Variants in ABCA8 observed in about 807,000 individuals in gnomAD.
ABCA8 encodes ATP binding cassette subfamily A member 8, also known as ABC-type organic anion transporter ABCA8.
In ABCA8, 177 loss-of-function variants were observed where a neutral mutation model predicts 192.3. The observed-to-expected ratio is 0.92, with a 90% CI of 0.81 to 1.04. The LOEUF is 1.04. Among genes scored for constraint, ABCA8 ranks in the 50% least tolerant of loss-of-function variants. The pLI is 0.00. For synonymous variants in ABCA8, 642 were observed against 690.2 expected (o/e 0.93, Z 1.09); for missense variants, 1,915 against 1,904.8 (o/e 1.01, Z -0.10).
intron 26 of ABCA8, 35 bp downstream of exon 26, chr17:68,886,978 CAAAT>C (rs776942350): frequency 7.3e-7 from 1 of 1,372,190 alleles, no homozygotes; most frequent in South Asian, 1.3e-5. Flanking sequence ...AATTGTATAT[CAAAT>C]ATATACAGTA....
At position 68,881,874 on chromosome 17, in the gene ABCA8, CAGA is replaced by C. The variant is rs1473959297; in HGVS notation, c.3932_3934del (p.Phe1311del). 5 of 1,613,704 alleles carry C rather than the reference CAGA, an allele frequency of 3.1e-6. No homozygotes were observed. The highest frequency in any genetic ancestry group is 1.7e-5 in the Admixed American group (1 of 59,994). ...TCCCTATGGCCAACCTTTTCTAACA[CAGA>C]AGGAGACATTTCTCGTGGCTATCTT... On this transcript the variant is annotated inframe_deletion, in exon 31 of 40. Coordinates refer to ENST00000586539, the MANE Select transcript of ABCA8 (RefSeq NM_001288985.2).
intron 21 of ABCA8, among the ~76,000 whole-genome samples, chr17:68,899,511 A>T (rs138129146): frequency 5.6e-4 from 86 of 152,262 alleles, no homozygotes; most frequent in South Asian, 5.6e-3. Flanking sequence ...AAAGCATAAG[A>T]GACATTTTCT....
At position 68,955,314 on chromosome 17, in the gene ABCA8, C is replaced by T. The variant is rs1040871264; in HGVS notation, c.-262G>A. The T allele has an allele frequency of 2.0e-5, 3 of 152,184 alleles. No homozygotes were observed. The highest frequency in any genetic ancestry group is 2.1e-4 in the South Asian group (1 of 4,830). The allele number at this position is 152,184 out of a possible 1,614,324, so 9.4% of individuals were successfully genotyped here. ...TATTCATATTTTCTCCTGGTCTCTA[C>T]CATGTATCTAGAATTTGCTTTAACT... is the stretch of plus-strand genomic sequence containing the variant. On this transcript the variant is annotated 5_prime_UTR_variant, in exon 1 of 40. Transcript: ENST00000586539.
chr17:68,940,805 G>T lies in ABCA8; in HGVS notation c.254C>A (p.Thr85Lys), dbSNP rs372233239. Residue 85 changes from threonine (T) to lysine (K), a missense_variant, in exon 4 of 40, where the codon ACG (threonine) becomes AAG (lysine). Coordinates refer to ENST00000586539, the MANE Select transcript of ABCA8 (RefSeq NM_001288985.2). Reference protein sequence around the residue: ...FSVVYTPVTNTTQQIMNKVAS... With the variant: ...FSVVYTPVTNKTQQIMNKVAS... The stretch of plus-strand genomic sequence containing the variant: ...TACTTTATTCATTATCTGTTGGGTC[G>T]TGTTGGTGACAGGTGTGTATACAAC... The T allele has an allele frequency of 6.2e-7, 1 of 1,613,552 alleles. No homozygotes were observed. The highest frequency in any genetic ancestry group is 8.5e-7 in the Non-Finnish European group (1 of 1,179,574).
At chr17:68,939,178 T>C (rs2068156678) in intron 4 of ABCA8, among the ~76,000 whole-genome samples, 1 of 152,162 alleles carries the variant, frequency 6.6e-6, no homozygotes, top group Non-Finnish European at 1.5e-5. Flanking sequence ...TTTTAATCTT[T>C]ACCTTAGCCC....
At chr17:68,872,351 T>C (rs1255151031) in intron 37 of ABCA8, among the ~76,000 whole-genome samples, 1 of 148,600 alleles carries the variant, frequency 6.7e-6, no homozygotes, top group Non-Finnish European at 1.5e-5. Flanking sequence ...AAACACCGCA[T>C]ATTCTCACTC....
chr17:68,944,559 T>G lies in ABCA8; in HGVS notation c.-5-2520A>C, dbSNP rs1334654418. 8 of 151,400 alleles carry G rather than the reference T, an allele frequency of 5.3e-5. No homozygotes were observed. In the East Asian group the frequency reaches 1.6e-3, roughly 30 times the overall value. 9.4% of individuals were successfully genotyped at this position (151,400 alleles called of 1,614,324 possible). On this transcript the variant is annotated intron_variant, in intron 2 of 39. Transcript: ENST00000586539. ...AGGAGTTAAAGCAAAAATCAGCAGCTAATGAGGGGCAATCTGTAAACCACC... is the reference window on the plus strand; with the variant it reads ...AGGAGTTAAAGCAAAAATCAGCAGCGAATGAGGGGCAATCTGTAAACCACC...
chr17:68,908,883 CA>C (rs1426749031), intron 17 of ABCA8, among the ~76,000 whole-genome samples: 4 of 152,080 alleles, frequency 2.6e-5, no homozygotes, highest in Non-Finnish European at 5.9e-5. Context: ...GTTATTCGAA[CA>C]ATGGAATAAT....
rs571917164 is a variant in ABCA8, at chr17:68,917,273, T to C, written c.2138+88A>G. 10 of 803,184 alleles carry C rather than the reference T, an allele frequency of 1.2e-5. No individual in the cohort carries two copies. The South Asian group carries it at 1.4e-4, about 11-fold the overall frequency. The allele number at this position is 803,184 out of a possible 1,614,324, so 49.8% of individuals were successfully genotyped here. On this transcript the variant is annotated intron_variant, in intron 17 of 39. Transcript: ENST00000586539. ...AAAACAAAACAAAAAATAACAATAA[T>C]ACAAATTCTTCTTGTGTGTTGTAAT...
intron 22 of ABCA8, chr17:68,894,654 T>G (rs1251997191): frequency 1.9e-5 from 10 of 540,278 alleles, no homozygotes; most frequent in Non-Finnish European, 2.5e-5. Flanking sequence ...CGAACTTATA[T>G]ATAGTCTTGA....
chr17:68,923,296 TC>T (rs1260952815), intron 11 of ABCA8, among the ~76,000 whole-genome samples: 3 of 151,836 alleles, frequency 2.0e-5, no homozygotes, highest in African/African-American at 7.3e-5. Context: ...GCCTCCTGAG[TC>T]CAAGCGATTC....
At chr17:68,895,632 C>CAGATCT (rs1318509831) in intron 21 of ABCA8, among the ~76,000 whole-genome samples, 1 of 152,158 alleles carries the variant, frequency 6.6e-6, no homozygotes, top group Non-Finnish European at 1.5e-5. Context: ...ACTTCCTTCC[C>CAGATCT]AGATCTGTGT....
rs151114022 is a variant in ABCA8, at chr17:68,953,614, T to C, written c.-167+1605A>G. Reference sequence around the variant, plus strand: ...CCAAGTAAAGAGGTCAGAGAGCCCATGGAAGGAGAAGAGGGAAAGACAGTT... The same window carrying C: ...CCAAGTAAAGAGGTCAGAGAGCCCACGGAAGGAGAAGAGGGAAAGACAGTT... On this transcript the variant is annotated intron_variant, in intron 1 of 39. Coordinates refer to ENST00000586539, the MANE Select transcript of ABCA8 (RefSeq NM_001288985.2). Among the ~76,000 whole-genome samples the C allele has an allele frequency of 1.1e-3, 161 of 152,198 alleles. 1 individual carries two copies. In the Middle Eastern group the frequency reaches 0.024, roughly 23 times the overall value.
At chr17:68,913,036 A>G (rs1422392664) in intron 17 of ABCA8, among the ~76,000 whole-genome samples, 1 of 152,148 alleles carries the variant, frequency 6.6e-6, no homozygotes, top group East Asian at 1.9e-4. Context: ...TCAAATTGAA[A>G]TTATACCAAA....
intron 31 of ABCA8, 67 bp downstream of exon 31, chr17:68,881,796 G>T: frequency 1.8e-6 from 2 of 1,109,692 alleles, no homozygotes; most frequent in Non-Finnish European, 2.7e-6. Context: ...CCAGAATAAT[G>T]CTCATTAGGA....
chr17:68,891,110 G>GGGTTTATTT lies in ABCA8; in HGVS notation c.3144+370_3144+378dup, dbSNP rs1450142198. Among the ~76,000 whole-genome samples, 6 of 152,170 alleles carry GGGTTTATTT rather than the reference G, an allele frequency of 3.9e-5. No homozygotes were observed. In the East Asian group the frequency reaches 1.2e-3, roughly 29 times the overall value. On this transcript the variant is annotated intron_variant, in intron 24 of 39. Coordinates refer to ENST00000586539, the MANE Select transcript of ABCA8 (RefSeq NM_001288985.2). The stretch of plus-strand genomic sequence containing the variant: ...ATTGAAAATCAATTGATATATGTGT[G>GGGTTTATTT]GGTTTATTTCTGAAATGTCTATTTC...
chr17:68,919,454 A>G lies in ABCA8; in HGVS notation c.1635T>C (p.Asn545=), dbSNP rs528615893. ...CTAGGTCAGCCATTTCTGAAAGCTT[A>G]TTGTTATAGATGGTGACTGAACCTG... ...PTKGSVTIYN[N]KLSEMADLEN... Residue 545 remains asparagine (N), a synonymous_variant, in exon 14 of 40, where the codon AAT becomes AAC. Coordinates refer to ENST00000586539, the MANE Select transcript of ABCA8 (RefSeq NM_001288985.2). The G allele has an allele frequency of 1.0e-4, 161 of 1,613,854 alleles. No individual in the cohort carries two copies. The South Asian group carries it at 1.6e-3, about 16-fold the overall frequency.
chr17:68,890,550 G>A (rs893450092), intron 24 of ABCA8, among the ~76,000 whole-genome samples: 3 of 151,538 alleles, frequency 2.0e-5, no homozygotes, highest in African/African-American at 7.3e-5. Flanking sequence ...ATGGAGTCTC[G>A]GTCTGTTGCC....
chr17:68,937,994 T>A (rs893029681), intron 4 of ABCA8, among the ~76,000 whole-genome samples: 3 of 152,166 alleles, frequency 2.0e-5, no homozygotes, highest in Non-Finnish European at 4.4e-5. Context: ...TAATTGCATG[T>A]GGTTTTGAAT....
Sources: gnomAD v4.1 joint callset for allele counts (sites outside exome capture counted in the v4.1 genomes callset) on GRCh38, gnomAD v4.1.1 for gene constraint, MANE v1.5 for transcripts, NCBI Gene and HGNC (gene_info 2026-07-23, HGNC 2026-07-21) for gene names.